Variants in KLF12 observed in about 807,000 individuals in gnomAD.
KLF12 encodes the protein KLF transcription factor 12, also known as Krueppel-like factor 12.
KLF12 carries 9 observed loss-of-function variants against 37.8 expected under a neutral mutation model. That is an observed-to-expected ratio of 0.24 (90% CI 0.14 to 0.42). The LOEUF (loss-of-function observed/expected upper bound fraction) is 0.42. KLF12 is among the 10% of genes least tolerant of loss of function. KLF12 has a pLI of 1.00. For synonymous variants in KLF12, 208 were observed against 202.1 expected, an observed-to-expected ratio of 1.03 and a Z score of -0.25; for missense variants, 411 against 516.0, an observed-to-expected ratio of 0.80 and a Z score of 1.97.
At chr13:73,749,968 T>C (rs1878631364) in intron 6 of KLF12, among the ~76,000 whole-genome samples, 1 of 152,136 alleles carries the variant, frequency 6.6e-6, no homozygotes, top group Admixed American at 6.6e-5. Context: ...ACAGGCAAGA[T>C]CAGGCATAAG....
At chr13:74,274,448 T>C in the KLF12 span, among the ~76,000 whole-genome samples, 1 of 152,202 alleles carries the variant, frequency 6.6e-6, no homozygotes, top group African/African-American at 2.4e-5. Flanking sequence ...TTCCTAATTA[T>C]TTCCTTATGA....
At chr13:74,105,815 T>C (rs1388266242) in intron 1 of KLF12, among the ~76,000 whole-genome samples, 1 of 152,134 alleles carries the variant, frequency 6.6e-6, no homozygotes, top group Non-Finnish European at 1.5e-5. Context: ...CCTAATTCTC[T>C]CCAAAGGAGA....
At chr13:74,117,010 T>A (rs1877346570) in intron 1 of KLF12, among the ~76,000 whole-genome samples, 1 of 152,170 alleles carries the variant, frequency 6.6e-6, no homozygotes, top group Non-Finnish European at 1.5e-5. Context: ...GTTATGAAAA[T>A]TCCAGTCAAT....
chr13:74,232,059 A>C, the KLF12 span, among the ~76,000 whole-genome samples: 1 of 152,234 alleles, frequency 6.6e-6, no homozygotes, highest in South Asian at 2.1e-4. Context: ...ATGGTGTAAC[A>C]AGATCTGGGA....
chr13:74,221,188 C>A, the KLF12 span, among the ~76,000 whole-genome samples: 9 of 151,800 alleles, frequency 5.9e-5, no homozygotes, highest in Non-Finnish European at 1.0e-4. Context: ...TTGTATTTTT[C>A]GTAGAGACGG....
chr13:73,897,844 C>T (rs1887857600), intron 3 of KLF12, among the ~76,000 whole-genome samples: 1 of 152,150 alleles, frequency 6.6e-6, no homozygotes, highest in African/African-American at 2.4e-5. Context: ...TTTGGTTGTT[C>T]TCCAATTATT....
chr13:73,935,099 C>T (rs187244021), intron 3 of KLF12, among the ~76,000 whole-genome samples: 34 of 152,090 alleles, frequency 2.2e-4, no homozygotes, highest in Non-Finnish European at 4.4e-4. Flanking sequence ...CCTGCCTCAG[C>T]CTCTTGAGTA....
At chr13:73,722,512 T>G (rs976232283) in intron 6 of KLF12, among the ~76,000 whole-genome samples, 1 of 152,200 alleles carries the variant, frequency 6.6e-6, no homozygotes, top group South Asian at 2.1e-4. Flanking sequence ...CCCCAGCAGC[T>G]ACATTCGGAG....
At chr13:74,177,041 C>G in the KLF12 span, among the ~76,000 whole-genome samples, 1 of 152,190 alleles carries the variant, frequency 6.6e-6, no homozygotes, top group Non-Finnish European at 1.5e-5. Context: ...TCTAAAGAAT[C>G]TTCCTTGATC....
chr13:73,942,804 T>C (rs1464312365), intron 3 of KLF12, among the ~76,000 whole-genome samples: 3 of 152,156 alleles, frequency 2.0e-5, no homozygotes, highest in African/African-American at 4.8e-5. Flanking sequence ...ACCCAGAACA[T>C]AGAGGTGAAA....
chr13:74,079,022 C>A (rs147348513), intron 1 of KLF12, among the ~76,000 whole-genome samples: 4 of 152,204 alleles, frequency 2.6e-5, no homozygotes, highest in Admixed American at 2.6e-4. Flanking sequence ...TGCCTGCATC[C>A]CAGACTTGAT....
At chr13:73,993,309 A>G (rs755630670) in intron 2 of KLF12, among the ~76,000 whole-genome samples, 7 of 152,348 alleles carry the variant, frequency 4.6e-5, no homozygotes, top group Non-Finnish European at 7.3e-5. Flanking sequence ...ATTATGAGCT[A>G]TAAGGCACAA....
chr13:73,749,082 G>A (rs1267791045), intron 6 of KLF12, among the ~76,000 whole-genome samples: 2 of 152,074 alleles, frequency 1.3e-5, no homozygotes, highest in Non-Finnish European at 2.9e-5. Context: ...GCCCTTTTCA[G>A]TGTGTGTTCT....
the KLF12 span, among the ~76,000 whole-genome samples, chr13:74,296,199 C>T: frequency 2.0e-5 from 3 of 151,608 alleles, no homozygotes; most frequent in Non-Finnish European, 4.4e-5. Context: ...CAATCTTTCC[C>T]GATTCCTTGA....
At chr13:73,943,895 A>G (rs991482324) in intron 3 of KLF12, 86 bp downstream of exon 3, 1 of 802,418 alleles carries the variant, frequency 1.2e-6, no homozygotes, top group Non-Finnish European at 2.1e-6. Flanking sequence ...GAAACCGTAG[A>G]AGTGCTCTGC....
the KLF12 span, among the ~76,000 whole-genome samples, chr13:74,169,196 C>T: frequency 1.3e-5 from 2 of 152,128 alleles, no homozygotes; most frequent in Admixed American, 1.3e-4. Context: ...ATGGCTATGA[C>T]TTTCAATGAT....
At chr13:74,305,437 T>C in the KLF12 span, among the ~76,000 whole-genome samples, 1 of 152,080 alleles carries the variant, frequency 6.6e-6, no homozygotes, top group African/African-American at 2.4e-5. Context: ...TATTTAGTTG[T>C]TTTTTCCCTT....
rs148443036 is a variant in KLF12, at chr13:74,045,736, C to T, written c.-31-50683G>A. Among the ~76,000 whole-genome samples the T allele has an allele frequency of 6.0e-3, 919 of 152,206 alleles. 3 individuals are homozygous for T. The highest frequency in any genetic ancestry group is 0.018 in the African/African-American group (762 of 41,534). On this transcript the variant is annotated intron_variant, in intron 1 of 7. Transcript: ENST00000377669. ...CTCCAGGTAGTCCAGCGAGCTCCCA[C>T]ACTCCAAAGCTGTGCCCATTAGGGA...
chr13:73,787,652 G>T (rs892760623), intron 5 of KLF12, among the ~76,000 whole-genome samples: 3 of 152,126 alleles, frequency 2.0e-5, no homozygotes, highest in African/African-American at 7.2e-5. Context: ...TCACAAAGCT[G>T]GTACATGGAA....
Sources: allele counts gnomAD v4.1 joint callset (sites outside exome capture counted in the v4.1 genomes callset), GRCh38; gene constraint gnomAD v4.1.1; transcripts MANE v1.5; gene names NCBI Gene and HGNC (gene_info 2026-07-23, HGNC 2026-07-21).